The following VWF variants were observed in gnomAD, a reference collection of about 807,000 sequenced individuals.
VWF encodes Factor VIII related antigen.
In VWF, 176 loss-of-function variants were observed where a neutral mutation model predicts 308.6. The ratio of observed to expected loss-of-function variants is 0.57; its 90% confidence interval spans 0.50 to 0.65. VWF has a LOEUF of 0.65. Ranked by LOEUF, VWF falls within the 30% of genes least tolerant of loss-of-function variation. The pLI is 0.00. For synonymous variants in VWF, 1,385 were observed against 1,443.4 expected (o/e 0.96, Z 0.92); for missense variants, 3,146 against 3,648.2 (o/e 0.86, Z 3.55).
rs1444742012 is a variant in VWF, at chr12:5,996,119, C to G, written c.5946G>C (p.Gln1982His). The change falls in exon 35 of 52, where the codon CAG (glutamine) becomes CAC (histidine). Residue 1982 changes from glutamine (Q) to histidine (H), a missense_variant. Physicochemically the swap from Gln to His is conservative, Grantham distance 24. Coordinates refer to ENST00000261405, the MANE Select transcript of VWF (RefSeq NM_000552.5). ...CATTATGGAGAATCACCTCCAGGTC[C>G]TGCTCCTTGTTTTGAAATAGGACAT... ...CSYVLFQNKE[Q>H]DLEVILHNGA... The G allele has an allele frequency of 4.3e-6, 7 of 1,614,054 alleles. No individual in the cohort carries two copies. The African/African-American group carries it at 9.3e-5, about 22-fold the overall frequency.
chr12:6,074,887 T>C (rs1944823665), intron 7 of VWF, among the ~76,000 whole-genome samples: 1 of 152,096 alleles, frequency 6.6e-6, no homozygotes, highest in Non-Finnish European at 1.5e-5. Context: ...AGAGATTTAA[T>C]AAAAGAGAAG....
chr12:6,027,667 G>C (rs1944210041), intron 22 of VWF, among the ~76,000 whole-genome samples: 1 of 152,038 alleles, frequency 6.6e-6, no homozygotes, highest in Admixed American at 6.5e-5. Flanking sequence ...GCAGCCTCCG[G>C]AATGTAAAAA....
intron 6 of VWF, among the ~76,000 whole-genome samples, chr12:6,078,869 T>G (rs1329515075): frequency 4.6e-5 from 7 of 152,170 alleles, no homozygotes; most frequent in Admixed American, 1.3e-4. Flanking sequence ...ATGGGAACAG[T>G]ACTCCAGCAC....
chr12:6,102,048 G>A (rs1447976321), intron 5 of VWF, among the ~76,000 whole-genome samples: 1 of 152,194 alleles, frequency 6.6e-6, no homozygotes, highest in Non-Finnish European at 1.5e-5. Context: ...AAAACCAGAA[G>A]AAGGCACAGA....
intron 11 of VWF, 133 bp from the exon 12 acceptor site, chr12:6,064,517 T>C: frequency 2.2e-6 from 3 of 1,378,076 alleles, no homozygotes; most frequent in African/African-American, 1.4e-5. Context: ...AACTCCATTC[T>C]CCCAGAATAC....
intron 34 of VWF, among the ~76,000 whole-genome samples, chr12:6,003,525 A>G (rs1331545816): frequency 1.3e-5 from 2 of 151,896 alleles, no homozygotes; most frequent in Non-Finnish European, 2.9e-5. Flanking sequence ...AAAAAAAAAA[A>G]TCAACCAAAC....
chr12:6,015,946 T>C (rs1218611434), intron 31 of VWF, 143 bp downstream of exon 31: 35 of 1,054,824 alleles, frequency 3.3e-5, no homozygotes, highest in Non-Finnish European at 4.3e-5. Flanking sequence ...AATTTCCTGC[T>C]GTTTGAAACC....
rs1161233276 is a variant in VWF, at chr12:6,049,989, T to C, written c.2186+2554A>G. On this transcript the variant is annotated intron_variant, in intron 16 of 51. Coordinates refer to ENST00000261405, the MANE Select transcript of VWF (RefSeq NM_000552.5). ...CCCTCTGGCCCACTCCCCTTAGGGA[T>C]CCTCGCTACTCTCATGGCTGAAACT... Among the ~76,000 whole-genome samples the C allele has an allele frequency of 2.0e-5, 3 of 152,322 alleles. No homozygotes were observed. The East Asian group carries it at 5.8e-4, about 29-fold the overall frequency.
chr12:6,062,922 G>T, intron 13 of VWF, 32 bp downstream of exon 13: 3 of 1,578,152 alleles, frequency 1.9e-6, no homozygotes, highest in Non-Finnish European at 1.7e-6. Context: ...GGGTCGGGCC[G>T]CAGGGAGCCA....
intron 3 of VWF, among the ~76,000 whole-genome samples, chr12:6,113,459 A>G (rs986987305): frequency 5.9e-5 from 9 of 151,890 alleles, no homozygotes; most frequent in South Asian, 4.2e-4. Flanking sequence ...CACCATGCCC[A>G]GCTAATTTGT....
chr12:6,056,449 T>G (rs944372505), intron 15 of VWF, among the ~76,000 whole-genome samples: 4 of 152,204 alleles, frequency 2.6e-5, no homozygotes, highest in African/African-American at 9.6e-5. Flanking sequence ...AGGGTTTGTA[T>G]GTGAATTTCC....
In VWF at chr12:5,984,899, C is replaced by T. The variant is rs2070886; in HGVS notation, c.6976+146G>A. ...TATTCTCCAGAGGTAACCCTTTCCA[C>T]TTTTTTGGAGTATCCAGTCGGTCCT... is the stretch of plus-strand genomic sequence containing the variant. On this transcript the variant is annotated intron_variant, in intron 40 of 51. Transcript: ENST00000261405. 178,076 of 807,460 alleles carry T rather than the reference C, an allele frequency of 0.22. 20,498 individuals are homozygous for T. The highest frequency in any genetic ancestry group is 0.23 in the Non-Finnish European group (113,824 of 485,456). 50.0% of individuals were successfully genotyped at this position (807,460 alleles called of 1,614,324 possible).
rs894621362 is a variant in VWF at position 6,020,898 on chromosome 12, G to A, written c.3674+1002C>T. Among the ~76,000 whole-genome samples the A allele has an allele frequency of 7.9e-5, 12 of 152,166 alleles. No individual in the cohort carries two copies. The highest frequency in any genetic ancestry group is 2.1e-4 in the South Asian group (1 of 4,834). Reference sequence around the variant, plus strand: ...AGCAAAGGAGGTGGGGAGAGGGCTCGAAGCTCTCATGCCCTTTTGGCACAG... The same window carrying A: ...AGCAAAGGAGGTGGGGAGAGGGCTCAAAGCTCTCATGCCCTTTTGGCACAG... On this transcript the variant is annotated intron_variant, in intron 27 of 51. Transcript: ENST00000261405. This position sits in a 1 kb window ranked among gnomAD's most constrained non-coding sequence, Gnocchi z 4.3.
chr12:6,009,262 A>G (rs1433837756), intron 34 of VWF, among the ~76,000 whole-genome samples: 1 of 152,078 alleles, frequency 6.6e-6, no homozygotes, highest in Non-Finnish European at 1.5e-5. Flanking sequence ...AATGCAAATA[A>G]CCCAATTTAA....
intron 18 of VWF, among the ~76,000 whole-genome samples, chr12:6,038,291 C>T (rs1446780054): frequency 6.6e-6 from 1 of 152,222 alleles, no homozygotes; most frequent in African/African-American, 2.4e-5. Flanking sequence ...TGAGGTATCC[C>T]ACGGATGCCT....
At chr12:6,119,102 G>T (rs897611743) in intron 3 of VWF, among the ~76,000 whole-genome samples, 7 of 152,166 alleles carry the variant, frequency 4.6e-5, no homozygotes, top group African/African-American at 4.8e-5. Context: ...CTTCCCTGCT[G>T]CACAAGACCC....
intron 38 of VWF, among the ~76,000 whole-genome samples, chr12:5,988,282 G>C (rs1188732864): frequency 6.6e-6 from 1 of 152,186 alleles, no homozygotes; most frequent in Non-Finnish European, 1.5e-5. Context: ...CCTGGCGACA[G>C]CATGCAGGAC....
intron 47 of VWF, among the ~76,000 whole-genome samples, chr12:5,964,042 C>A (rs576302242): frequency 1.2e-3 from 177 of 152,064 alleles, no homozygotes; most frequent in Admixed American, 1.9e-3. Flanking sequence ...CCCGTCTCTA[C>A]TAAAAATACA....
intron 42 of VWF, among the ~76,000 whole-genome samples, chr12:5,977,705 A>T (rs550449642): frequency 1.3e-5 from 2 of 152,026 alleles, no homozygotes; most frequent in South Asian, 4.2e-4. Context: ...CCTTGTCTCT[A>T]CAAAAACATA....
Sources: allele counts gnomAD v4.1 joint callset (sites outside exome capture counted in the v4.1 genomes callset), GRCh38; gene constraint gnomAD v4.1.1; non-coding constraint Gnocchi (gnomAD v3.1); transcripts MANE v1.5; gene names NCBI Gene and HGNC (gene_info 2026-07-23, HGNC 2026-07-21).